COL5A2: variants seen among roughly 807,000 people sequenced by gnomAD.
COL5A2 encodes the protein collagen alpha-2(V) chain.
A neutral mutation model predicts 208.2 loss-of-function variants in COL5A2; 23 were observed. The ratio of observed to expected loss-of-function variants is 0.11; its 90% CI spans 0.08 to 0.16. The LOEUF is 0.16. Ranked by LOEUF, COL5A2 falls within the 10% of genes least tolerant of loss-of-function variation. The pLI, the probability that COL5A2 is intolerant of heterozygous loss-of-function variation, is 1.00. For synonymous variants in COL5A2, 625 were observed against 628.5 expected (o/e 0.99, Z 0.08); for missense variants, 1,590 against 1,956.4 (o/e 0.81, Z 3.53).
the COL5A2 span, among the ~76,000 whole-genome samples, chr2:189,304,775 T>C: frequency 2.6e-5 from 4 of 152,342 alleles, no homozygotes; most frequent in South Asian, 2.1e-4. Context: ...CTATATGTAA[T>C]AGGAGGTGCC....
intron 1 of COL5A2, among the ~76,000 whole-genome samples, chr2:189,152,800 T>A (rs1688170664): frequency 6.6e-6 from 1 of 151,976 alleles, no homozygotes. Context: ...TGGCGAGGAA[T>A]CAAAATGATT....
intron 1 of COL5A2, among the ~76,000 whole-genome samples, chr2:189,172,324 AAGAAC>A (rs1688587729): frequency 6.6e-6 from 1 of 152,216 alleles, no homozygotes; most frequent in Non-Finnish European, 1.5e-5. Flanking sequence ...TAAAACACAA[AAGAAC>A]AAGTCCAGGA....
At chr2:189,148,065 C>T (rs565907295) in intron 1 of COL5A2, among the ~76,000 whole-genome samples, 1 of 152,104 alleles carries the variant, frequency 6.6e-6, no homozygotes, top group Admixed American at 6.6e-5. Flanking sequence ...AAATGAACTT[C>T]TTTGTGGAAA....
upstream of COL5A2, among the ~76,000 whole-genome samples, chr2:189,229,442 A>ACAC (rs35760375): frequency 4.3e-5 from 5 of 117,330 alleles, no homozygotes; most frequent in African/African-American, 1.1e-4. Flanking sequence ...ACACACACAC[A>ACAC]AAAAAAAAAC....
chr2:189,264,114 CTAGCTACAA>C, the COL5A2 span, among the ~76,000 whole-genome samples: 4 of 151,936 alleles, frequency 2.6e-5, no homozygotes, highest in Non-Finnish European at 5.9e-5. Context: ...TTCTTACATA[CTAGCTACAA>C]ACAGCTAGAA....
chr2:189,169,272 A>G (rs981082265), intron 1 of COL5A2, among the ~76,000 whole-genome samples: 1 of 152,202 alleles, frequency 6.6e-6, no homozygotes, highest in Non-Finnish European at 1.5e-5. Context: ...GCACTGGGGC[A>G]TGGAGTGGAT....
chr2:189,191,163 C>CCAA (rs748055610), intron 1 of COL5A2, among the ~76,000 whole-genome samples: 16,097 of 71,580 alleles, frequency 0.22, 1,585 homozygotes, highest in Non-Finnish European at 0.34. Flanking sequence ...AAAAAACAAA[C>CCAA]AAACAACAAA....
intron 1 of COL5A2, among the ~76,000 whole-genome samples, chr2:189,134,503 C>T (rs1189968752): frequency 1.3e-5 from 2 of 152,090 alleles, no homozygotes; most frequent in African/African-American, 4.8e-5. Flanking sequence ...GTAGGAGAAT[C>T]GCTTGAACTC....
intron 1 of COL5A2, among the ~76,000 whole-genome samples, chr2:189,196,356 C>G (rs1051285213): frequency 4.7e-5 from 7 of 147,826 alleles, no homozygotes; most frequent in Non-Finnish European, 1.0e-4. Context: ...AGCATAAATA[C>G]AAAGTGTGTA....
chr2:189,126,088 C>A (rs1349659492), intron 1 of COL5A2, among the ~76,000 whole-genome samples: 1 of 151,942 alleles, frequency 6.6e-6, no homozygotes, highest in African/African-American at 2.4e-5. Context: ...CTAAAGTTTT[C>A]AGAAATTTAA....
At chr2:189,285,071 GGTGTGT>G in the COL5A2 span, among the ~76,000 whole-genome samples, 180 of 139,788 alleles carry the variant, frequency 1.3e-3, no homozygotes, top group African/African-American at 4.1e-3. Context: ...GCATGCACAT[GGTGTGT>G]GTGTGTGTGT....
chr2:189,128,508 T>C (rs926581716), intron 1 of COL5A2, among the ~76,000 whole-genome samples: 3 of 152,014 alleles, frequency 2.0e-5, no homozygotes, highest in African/African-American at 7.2e-5. Flanking sequence ...TCTTTTTAAT[T>C]TCAGCCTTGA....
the COL5A2 span, among the ~76,000 whole-genome samples, chr2:189,323,839 A>G: frequency 1.3e-5 from 2 of 152,152 alleles, no homozygotes; most frequent in Non-Finnish European, 2.9e-5. Flanking sequence ...TTCATATGGA[A>G]CCAAAAAAGA....
chr2:189,196,949 A>G (rs1689008560), intron 1 of COL5A2, among the ~76,000 whole-genome samples: 1 of 152,206 alleles, frequency 6.6e-6, no homozygotes, highest in Admixed American at 6.5e-5. Flanking sequence ...GTTACTGGGT[A>G]TATAACCAAA....
chr2:189,162,506 T>C (rs1197832632), intron 1 of COL5A2, among the ~76,000 whole-genome samples: 1 of 152,178 alleles, frequency 6.6e-6, no homozygotes, highest in Non-Finnish European at 1.5e-5. Context: ...GAAGATAGAA[T>C]GGGATTTAAA....
the COL5A2 span, among the ~76,000 whole-genome samples, chr2:189,307,177 T>TA: frequency 1.3e-5 from 2 of 152,212 alleles, no homozygotes; most frequent in Non-Finnish European, 2.9e-5. Flanking sequence ...GAAATTATTT[T>TA]AATTCATTTA....
chr2:189,266,091 A>G, the COL5A2 span, among the ~76,000 whole-genome samples: 1,926 of 152,288 alleles, frequency 0.013, 41 homozygotes, highest in East Asian at 0.062. Context: ...ATAAATATTC[A>G]TGTGGTATAT....
At chr2:189,334,770 A>C in the COL5A2 span, among the ~76,000 whole-genome samples, 1 of 152,046 alleles carries the variant, frequency 6.6e-6, no homozygotes, top group Non-Finnish European at 1.5e-5. Flanking sequence ...AGAAAAGCCA[A>C]AGCAATGTTA....
At chr2:189,215,572 C>G (rs1689268707) in intron 1 of COL5A2, among the ~76,000 whole-genome samples, 1 of 150,772 alleles carries the variant, frequency 6.6e-6, no homozygotes. Context: ...ATGTGGCCAC[C>G]AGAAAACTTT....
Sources: allele counts gnomAD v4.1 joint callset (sites outside exome capture counted in the v4.1 genomes callset), GRCh38; gene constraint gnomAD v4.1.1; transcripts MANE v1.5; gene names NCBI Gene and HGNC (gene_info 2026-07-23, HGNC 2026-07-21).